Variants in PRTG observed in about 807,000 individuals in gnomAD.
PRTG encodes the protein protogenin, also known as immunoglobulin superfamily, DCC subclass, member 5.
A neutral mutation model predicts 122.5 loss-of-function variants in PRTG; 67 were observed. The observed-to-expected ratio is 0.55, with a 90% CI of 0.45 to 0.67. The LOEUF (loss-of-function observed/expected upper bound fraction) is 0.67, where lower values mean the gene tolerates loss of function less well. PRTG is among the 30% of genes least tolerant of loss of function. PRTG has a pLI of 0.00. For synonymous variants in PRTG, 554 were observed against 501.1 expected, an observed-to-expected ratio of 1.11 and a Z score of -1.41; for missense variants, 1,435 against 1,415.4, an observed-to-expected ratio of 1.01 and a Z score of -0.22.
chr15:55,742,748 C>T (rs957851061), intron 1 of PRTG, 90 bp downstream of exon 1: 54 of 1,477,224 alleles, frequency 3.7e-5, no homozygotes, highest in Middle Eastern at 2.3e-4. Flanking sequence ...CCGCGCGCTC[C>T]CCACGCCCCA....
At chr15:55,663,531 TTTC>T (rs1472400440) in intron 11 of PRTG, among the ~76,000 whole-genome samples, 109 of 151,642 alleles carry the variant, frequency 7.2e-4, no homozygotes, top group African/African-American at 2.6e-3. Flanking sequence ...TTTTCCATCT[TTTC>T]TTTTCTTTTT....
rs1394173325 is a variant in PRTG, at chr15:55,624,501, T to A, written c.2934A>T (p.Ser978=). ...CATTCTGTGCCGTCTTGGAAGCAGA[T>A]GATTTCCTAAAACATTGGCAAGAAG... ...ILIYRSKARK[S]SASKTAQNGT... is the part of the protein sequence containing the mutation. Residue 978 remains serine, a synonymous_variant, in exon 18 of 20, where the codon TCA becomes TCT. Transcript: ENST00000389286. The A allele has an allele frequency of 1.9e-6, 3 of 1,609,974 alleles. No homozygotes were observed. In the Admixed American group the frequency reaches 5.0e-5, roughly 27 times the overall value.
At chr15:55,720,815 T>A (rs1433679073) in intron 2 of PRTG, among the ~76,000 whole-genome samples, 1 of 152,022 alleles carries the variant, frequency 6.6e-6, no homozygotes, top group East Asian at 1.9e-4. Flanking sequence ...AAAGAAAAAA[T>A]CTCATAATGT....
chr15:55,665,270 A>G (rs1766056057), intron 11 of PRTG, among the ~76,000 whole-genome samples: 1 of 152,030 alleles, frequency 6.6e-6, no homozygotes, highest in African/African-American at 2.4e-5. Flanking sequence ...AAAAAAAAGA[A>G]AAAGAAGAAG....
At chr15:55,690,848 TACTC>T (rs749001376) in intron 2 of PRTG, among the ~76,000 whole-genome samples, 2 of 152,208 alleles carry the variant, frequency 1.3e-5, no homozygotes, top group East Asian at 1.9e-4. Context: ...TCAAAACTAT[TACTC>T]ACCCAATTTT....
rs979055909 is a variant in PRTG at position 55,613,293 on chromosome 15, C to G, written c.*6719G>C. The G allele has an allele frequency of 6.6e-6, 1 of 152,108 alleles. No individual in the cohort carries two copies. The highest frequency in any genetic ancestry group is 2.4e-5 in the African/African-American group (1 of 41,434). The allele number at this position is 152,108 out of a possible 1,614,324, so 9.4% of individuals were successfully genotyped here. On this transcript the variant is annotated 3_prime_UTR_variant, in exon 20 of 20. Transcript: ENST00000389286. ...GTTTATATTCATAAAAAATCATGAA[C>G]TCTTCAGACCTAACAAGAAAGGATT...
chr15:55,707,281 G>C (rs1207806324), intron 2 of PRTG, among the ~76,000 whole-genome samples: 1 of 152,178 alleles, frequency 6.6e-6, no homozygotes, highest in Non-Finnish European at 1.5e-5. Flanking sequence ...CAAACACCAA[G>C]AATGTACCTT....
chr15:55,701,469 G>A (rs2059663231), intron 2 of PRTG, among the ~76,000 whole-genome samples: 1 of 152,098 alleles, frequency 6.6e-6, no homozygotes, highest in Non-Finnish European at 1.5e-5. Flanking sequence ...GGGAGGCAGA[G>A]GTTGCAGTGA....
At chr15:55,717,480 T>C (rs1271120812) in intron 2 of PRTG, among the ~76,000 whole-genome samples, 6 of 152,220 alleles carry the variant, frequency 3.9e-5, no homozygotes, top group African/African-American at 1.4e-4. Flanking sequence ...GGATTTACCA[T>C]CTGAAAGCTT....
intron 2 of PRTG, among the ~76,000 whole-genome samples, chr15:55,701,785 A>G (rs1479790769): frequency 1.3e-5 from 2 of 152,226 alleles, no homozygotes. Flanking sequence ...AAAATATGTA[A>G]GTCTTAACAA....
At chr15:55,714,130 T>C (rs563900224) in intron 2 of PRTG, among the ~76,000 whole-genome samples, 28 of 152,134 alleles carry the variant, frequency 1.8e-4, no homozygotes, top group African/African-American at 6.3e-4. Context: ...TGGGAACAGA[T>C]TATACAAAAG....
At chr15:55,705,816 G>A (rs1042437178) in intron 2 of PRTG, among the ~76,000 whole-genome samples, 1 of 149,822 alleles carries the variant, frequency 6.7e-6, no homozygotes, top group African/African-American at 2.5e-5. Context: ...CTCCAATATG[G>A]ACTTCATTAT....
intron 2 of PRTG, among the ~76,000 whole-genome samples, chr15:55,712,404 C>T (rs768272803): frequency 2.6e-5 from 4 of 152,062 alleles, no homozygotes; most frequent in African/African-American, 7.3e-5. Flanking sequence ...AAAGCTGTTT[C>T]GCCTATGTGT....
chr15:55,628,968 G>A lies in PRTG; in HGVS notation c.2660C>T (p.Ala887Val). ...TATCTTGACAATGTACACATTTCCTGCTACCAAGTTTTCTAGCAAAGCCAT... is the reference window on the plus strand; with the variant it reads ...TATCTTGACAATGTACACATTTCCTACTACCAAGTTTTCTAGCAAAGCCAT... ...ITMALLENLV[A>V]GNVYIVKISA... Residue 887 changes from alanine to valine, a missense_variant, in exon 16 of 20, where the codon GCA becomes GTA. Coordinates refer to ENST00000389286, the MANE Select transcript of PRTG (RefSeq NM_173814.6). 2 of 1,611,452 alleles carry A rather than the reference G, an allele frequency of 1.2e-6. No homozygotes were observed. Among genetic ancestry groups the A allele is most frequent in the Non-Finnish European group, 1.7e-6 (2 of 1,178,320 alleles).
At chr15:55,714,385 C>A (rs376479212) in intron 2 of PRTG, among the ~76,000 whole-genome samples, 1 of 151,690 alleles carries the variant, frequency 6.6e-6, no homozygotes, top group East Asian at 1.9e-4. Context: ...CACCCCCACC[C>A]CCCCGCTAGT....
rs1380479157 is a variant in PRTG at position 55,612,696 on chromosome 15, CAATATATATATATA to C, written c.*7302_*7315del. 7.7e-5 allele frequency: 7 copies of C among 90,596 alleles called. No homozygotes were observed. The highest frequency in any genetic ancestry group is 7.4e-4 in the South Asian group (2 of 2,702). The allele number at this position is 90,596 out of a possible 1,614,324, so 5.6% of individuals were successfully genotyped here. ...ATTCTCTCTTTAACTCTTTAAAAGC[CAATATATATATATA>C]TATATATATATATATATATATATAT... On this transcript the variant is annotated 3_prime_UTR_variant, in exon 20 of 20. Transcript: ENST00000389286.
At position 55,637,206 on chromosome 15, in the gene PRTG, A is replaced by G. The variant is rs758304799; in HGVS notation, c.2587T>C (p.Trp863Arg). Residue 863 changes from tryptophan (W) to arginine (R), a missense_variant, in exon 15 of 20, where the codon TGG (tryptophan) becomes CGG (arginine). Transcript: ENST00000389286. ...AAGACCTGCCACTCTCCTGCAATCC[A>G]GGCCTTCCTAGATGCATATAAGATA... is the stretch of plus-strand genomic sequence containing the variant. ...YTILYASRKA[W>R]IAGEWQVLHR... 1 of 1,609,754 alleles carries G rather than the reference A, an allele frequency of 6.2e-7. No individual in the cohort carries two copies. Among genetic ancestry groups the G allele is most frequent in the South Asian group, 1.1e-5 (1 of 90,140 alleles).
rs185849310 is a variant in PRTG, at chr15:55,667,946, G to C, written c.2041+4499C>G. On this transcript the variant is annotated intron_variant, in intron 11 of 19. Transcript: ENST00000389286. Reference sequence around the variant, plus strand: ...ACCAAAAATACCAAAAATTAGCCCGGCGTGGTGGCGCACGCCTGTGGTCCC... The same window carrying C: ...ACCAAAAATACCAAAAATTAGCCCGCCGTGGTGGCGCACGCCTGTGGTCCC... Among the ~76,000 whole-genome samples, 388 of 152,230 alleles carry C rather than the reference G, an allele frequency of 2.5e-3. 1 individual carries two copies. Among genetic ancestry groups the C allele is most frequent in the Non-Finnish European group, 4.2e-3 (284 of 68,030 alleles).
intron 2 of PRTG, among the ~76,000 whole-genome samples, chr15:55,704,795 C>A (rs182931825): frequency 2.0e-5 from 3 of 152,232 alleles, no homozygotes; most frequent in African/African-American, 7.2e-5. Context: ...CTTCTCATAG[C>A]TGTTAAATTA....
Sources: gnomAD v4.1 joint callset for allele counts (sites outside exome capture counted in the v4.1 genomes callset) on GRCh38, gnomAD v4.1.1 for gene constraint, MANE v1.5 for transcripts, NCBI Gene and HGNC (gene_info 2026-07-23, HGNC 2026-07-21) for gene names.